ENOX1: variants seen among roughly 807,000 people sequenced by gnomAD.
ENOX1 encodes candidate growth-related and time keeping constitutive hydroquinone (NADH) oxidase.
In ENOX1, 42 loss-of-function variants were observed where a neutral mutation model predicts 82.5. That is an observed-to-expected ratio of 0.51 (90% CI 0.40 to 0.66). The LOEUF is 0.66. ENOX1 is among the 30% of genes least tolerant of loss of function. The probability of loss-of-function intolerance (pLI) is 0.00; values close to 1 mark genes in which losing one functional copy is unlikely to be tolerated. For synonymous variants in ENOX1, 271 were observed against 282.2 expected, an observed-to-expected ratio of 0.96 and a Z score of 0.40; for missense variants, 608 against 811.6, an observed-to-expected ratio of 0.75 and a Z score of 3.05.
At chr13:43,745,247 A>C (rs924637415) in intron 1 of ENOX1, among the ~76,000 whole-genome samples, 3 of 152,234 alleles carry the variant, frequency 2.0e-5, no homozygotes, top group Non-Finnish European at 4.4e-5. Flanking sequence ...CAAAAATGCC[A>C]ACTGAAATAT....
chr13:43,763,364 A>G (rs929563844), intron 1 of ENOX1, among the ~76,000 whole-genome samples: 3 of 152,138 alleles, frequency 2.0e-5, no homozygotes, highest in African/African-American at 7.2e-5. Flanking sequence ...GGGGCAAGGG[A>G]GTGCTCCTGG....
intron 2 of ENOX1, among the ~76,000 whole-genome samples, chr13:43,505,258 A>G (rs914026182): frequency 5.3e-5 from 8 of 151,954 alleles, no homozygotes; most frequent in African/African-American, 1.9e-4. Flanking sequence ...GGAGTGAATG[A>G]GGAAATGCTA....
intron 9 of ENOX1, among the ~76,000 whole-genome samples, chr13:43,343,177 GCT>G (rs2049168157): frequency 1.3e-5 from 2 of 152,270 alleles, no homozygotes; most frequent in African/African-American, 2.4e-5. Context: ...GTTTTACTAT[GCT>G]CTCTCTCATT....
chr13:43,599,219 A>G (rs147607748), intron 2 of ENOX1, among the ~76,000 whole-genome samples: 77 of 152,284 alleles, frequency 5.1e-4, no homozygotes, highest in African/African-American at 1.7e-3. Flanking sequence ...CAAAAATCAC[A>G]GTACCTGGTT....
At chr13:43,331,047 A>T (rs2048383352) in intron 9 of ENOX1, among the ~76,000 whole-genome samples, 1 of 152,196 alleles carries the variant, frequency 6.6e-6, no homozygotes, top group Non-Finnish European at 1.5e-5. Flanking sequence ...TGGGAGGGAA[A>T]GCTCAGAACA....
intron 2 of ENOX1, among the ~76,000 whole-genome samples, chr13:43,610,824 T>C (rs1158538208): frequency 1.3e-5 from 2 of 152,054 alleles, no homozygotes; most frequent in South Asian, 2.1e-4. Flanking sequence ...TAACAACTTT[T>C]AAACTTAATA....
intron 1 of ENOX1, among the ~76,000 whole-genome samples, chr13:43,755,394 C>T (rs926723301): frequency 5.3e-5 from 8 of 152,126 alleles, no homozygotes; most frequent in African/African-American, 1.9e-4. Flanking sequence ...CAGGTTGTGT[C>T]ACAGTCATTC....
chr13:43,294,124 G>T (rs1313841789), intron 12 of ENOX1, among the ~76,000 whole-genome samples: 1 of 152,058 alleles, frequency 6.6e-6, no homozygotes, highest in African/African-American at 2.4e-5. Context: ...ATGGGCCACT[G>T]GCTTGCTGGC....
chr13:43,224,886 C>T (rs932037603), intron 15 of ENOX1, among the ~76,000 whole-genome samples: 2 of 152,208 alleles, frequency 1.3e-5, no homozygotes, highest in Admixed American at 6.5e-5. Flanking sequence ...AAAGCATTAC[C>T]TTCCTCTTCT....
chr13:43,254,808 C>T (rs1481423086), intron 14 of ENOX1, among the ~76,000 whole-genome samples: 1 of 152,118 alleles, frequency 6.6e-6, no homozygotes, highest in Non-Finnish European at 1.5e-5. Context: ...CATTCCTGGA[C>T]ACATATAATC....
intron 14 of ENOX1, among the ~76,000 whole-genome samples, chr13:43,241,743 C>A (rs1383972734): frequency 6.6e-6 from 1 of 152,180 alleles, no homozygotes; most frequent in African/African-American, 2.4e-5. Flanking sequence ...CTAGATGTCA[C>A]AGACTTTTTA....
chr13:43,386,356 A>C (rs917301442), intron 5 of ENOX1, among the ~76,000 whole-genome samples: 3 of 152,226 alleles, frequency 2.0e-5, no homozygotes, highest in Non-Finnish European at 1.5e-5. Flanking sequence ...CAAGAGCATT[A>C]TTTAAGGAGA....
intron 1 of ENOX1, among the ~76,000 whole-genome samples, chr13:43,717,218 A>G (rs2088207194): frequency 1.3e-5 from 2 of 152,206 alleles, no homozygotes; most frequent in African/African-American, 4.8e-5. Flanking sequence ...AATAGCATAC[A>G]GAACCCAGAA....
At position 43,213,524 on chromosome 13, in the gene ENOX1, CTTTTTTTCTTTTTCTTTTTCT is replaced by C. The variant is rs1229975217; in HGVS notation, c.*445_*465del. 8 of 83,386 alleles carry C rather than the reference CTTTTTTTCTTTTTCTTTTTCT, an allele frequency of 9.6e-5. No homozygotes were observed. The highest frequency in any genetic ancestry group is 6.7e-3 in the Middle Eastern group (1 of 150). 5.2% of individuals were successfully genotyped at this position (83,386 alleles called of 1,614,324 possible). On this transcript the variant is annotated 3_prime_UTR_variant, in exon 17 of 17. Transcript: ENST00000690772. ...CTCACTGTAAAACTTTTTCTTTTTT[CTTTTTTTCTTTTTCTTTTTCT>C]TTTTTTTTTTTTTTTTTTTTTTACT...
At chr13:43,232,689 T>C (rs1192374256) in intron 15 of ENOX1, among the ~76,000 whole-genome samples, 1 of 152,184 alleles carries the variant, frequency 6.6e-6, no homozygotes, top group African/African-American at 2.4e-5. Context: ...TGCCCAATCA[T>C]TGTCAACCTG....
At chr13:43,493,912 G>T (rs879363368) in intron 2 of ENOX1, among the ~76,000 whole-genome samples, 1 of 152,164 alleles carries the variant, frequency 6.6e-6, no homozygotes, top group Non-Finnish European at 1.5e-5. Flanking sequence ...GCATGGCTGG[G>T]GAGGCATCAG....
At chr13:43,333,008 T>C (rs1460142829) in intron 9 of ENOX1, among the ~76,000 whole-genome samples, 2 of 152,228 alleles carry the variant, frequency 1.3e-5, no homozygotes, top group Non-Finnish European at 2.9e-5. Flanking sequence ...GTGTGTATTT[T>C]TCTATGAGAA....
intron 5 of ENOX1, among the ~76,000 whole-genome samples, chr13:43,367,012 A>T (rs2050892919): frequency 6.6e-6 from 1 of 152,206 alleles, no homozygotes; most frequent in Non-Finnish European, 1.5e-5. Flanking sequence ...ACACAATCAT[A>T]ATGATGATTA....
intron 9 of ENOX1, among the ~76,000 whole-genome samples, chr13:43,333,754 C>A (rs761358283): frequency 2.0e-5 from 3 of 152,240 alleles, no homozygotes; most frequent in African/African-American, 4.8e-5. Context: ...TTCCGAGTAG[C>A]TGGTATTACA....
Sources: allele counts gnomAD v4.1 joint callset (sites outside exome capture counted in the v4.1 genomes callset), GRCh38; gene constraint gnomAD v4.1.1; transcripts MANE v1.5; gene names NCBI Gene and HGNC (gene_info 2026-07-23, HGNC 2026-07-21).